The following TFAP2C variants were observed in gnomAD, a reference collection of about 807,000 sequenced individuals.
The protein encoded by TFAP2C is transcription factor AP-2 gamma.
Under a neutral mutation model 42.9 loss-of-function variants are expected in TFAP2C, and 9 were observed. The observed-to-expected ratio is 0.21, with a 90% CI of 0.13 to 0.37. The LOEUF is 0.37. Among genes scored for constraint, TFAP2C ranks in the 10% least tolerant of loss-of-function variants. TFAP2C has a pLI of 1.00. For synonymous variants in TFAP2C, 264 were observed against 256.0 expected, an observed-to-expected ratio of 1.03 and a Z score of -0.30; for missense variants, 462 against 591.7, an observed-to-expected ratio of 0.78 and a Z score of 2.27.
rs1168735506 is a variant in TFAP2C at position 56,631,753 on chromosome 20, C to G, written c.535-52C>G. 2 of 1,613,486 alleles carry G rather than the reference C, an allele frequency of 1.2e-6. No individual in the cohort carries two copies. Among genetic ancestry groups the G allele is most frequent in the Non-Finnish European group, 8.5e-7 (1 of 1,179,916 alleles). Reference sequence around the variant, plus strand: ...CCTACGGCCTTCTGCCCCCACCCCGCACTCCTCTAGGCTCCCCCGAACTTA... The same window carrying G: ...CCTACGGCCTTCTGCCCCCACCCCGGACTCCTCTAGGCTCCCCCGAACTTA... On this transcript the variant is annotated intron_variant, in intron 2 of 6. Transcript: ENST00000201031. The surrounding 1 kb of genome is among the most constrained non-coding windows in gnomAD (Gnocchi z 6.1).
rs1213737243 is a variant in TFAP2C at position 56,631,610 on chromosome 20, C to G, written c.454C>G (p.His152Asp). Reference sequence around the variant, plus strand: ...CCGCCGCTCCGACCTGCTGCTGCCCCACGCACACGCCCTGGATGCCGCGGG... The same window carrying G: ...CCGCCGCTCCGACCTGCTGCTGCCCGACGCACACGCCCTGGATGCCGCGGG... ...AYRRSDLLLP[H>D]AHALDAAGLA... The change falls in exon 2 of 7, where the codon CAC becomes GAC. Residue 152 changes from histidine (H) to aspartate (D), a missense_variant. His to Asp is a moderately conservative substitution (Grantham distance 81). Around this residue, in one of 5 missense-constraint regions of TFAP2C, gnomAD observed 271 missense variants for 269.7 expected, o/e 1.00. Transcript: ENST00000201031. This position sits in a 1 kb window ranked among gnomAD's most constrained non-coding sequence, Gnocchi z 6.1. 6.4e-7 allele frequency: 1 copy of G among 1,565,430 alleles called. No homozygotes were observed. The highest frequency in any genetic ancestry group is 1.4e-5 in the African/African-American group (1 of 73,558).
Position 56,631,467 on chromosome 20 carries a change from C to G in TFAP2C, c.311C>G (p.Pro104Arg), listed in dbSNP as rs1438786600. Residue 104 changes from proline (P) to arginine (R), a missense_variant, in exon 2 of 7, where the codon CCC (proline) becomes CGC (arginine). Physicochemically the swap from Pro to Arg is moderately radical, Grantham distance 103 (BLOSUM62 -2). Transcript: ENST00000201031. The surrounding 1 kb of genome is among the most constrained non-coding windows in gnomAD (Gnocchi z 6.1). ...ACAGGCAGCCAGCAGCAGGCCTGGC[C>G]CGGCCGCCAGAGCCAGGAGGGAGCG... is the stretch of plus-strand genomic sequence containing the variant. Reference protein sequence around the residue: ...APTGSQQQAWPGRQSQEGAGL... With the variant: ...APTGSQQQAWRGRQSQEGAGL... The G allele has an allele frequency of 1.3e-6, 2 of 1,543,276 alleles. No homozygotes were observed. The highest frequency in any genetic ancestry group is 8.7e-7 in the Non-Finnish European group (1 of 1,147,766).
Position 56,631,655 on chromosome 20 carries a change from C to T in TFAP2C, c.499C>T (p.Leu167Phe), listed in dbSNP as rs566491833. Reference protein sequence around the residue: ...DAAGLAENLGLHDMPHQMDEV... With the variant: ...DAAGLAENLGFHDMPHQMDEV... ...CGCGGGCCTGGCCGAGAACCTGGGG[C>T]TCCACGACATGCCTCACCAGATGGA... The change falls in exon 2 of 7, where the codon CTC becomes TTC. Residue 167 changes from leucine to phenylalanine, a missense_variant. Physicochemically the swap from Leu to Phe is conservative, Grantham distance 22. This residue lies in a region of TFAP2C where 271 missense variants were observed against 269.7 expected (regional missense o/e 1.00). Coordinates refer to ENST00000201031, the MANE Select transcript of TFAP2C (RefSeq NM_003222.4). The surrounding 1 kb of genome is among the most constrained non-coding windows in gnomAD (Gnocchi z 6.1). 3.7e-5 allele frequency: 58 copies of T among 1,584,794 alleles called. No homozygotes were observed. In the East Asian group the frequency reaches 1.3e-3, roughly 36 times the overall value.
At position 56,631,321 on chromosome 20, in the gene TFAP2C, G is replaced by A; in HGVS notation, c.165G>A (p.Gln55=). 6.2e-7 allele frequency: 1 copy of A among 1,609,722 alleles called. No homozygotes were observed. Among genetic ancestry groups the A allele is most frequent in the Non-Finnish European group, 8.5e-7 (1 of 1,178,536 alleles). The change falls in exon 2 of 7, where the codon CAG becomes CAA. Residue 55 remains glutamine (Q), a synonymous_variant. Transcript: ENST00000201031. This position sits in a 1 kb window ranked among gnomAD's most constrained non-coding sequence, Gnocchi z 6.1. ...PLSHTGVAEY[Q]PPPYFPPPYQ... is the part of the protein sequence containing the mutation. ...CCCACACTGGAGTCGCCGAATATCA[G>A]CCGCCACCCTACTTTCCCCCTCCCT...
chr20:56,633,248 G>A (rs1401821361), intron 3 of TFAP2C, 105 bp from the exon 4 acceptor site: 4 of 828,562 alleles, frequency 4.8e-6, no homozygotes, highest in Non-Finnish European at 5.9e-6. Context: ...GGTGTGCAAT[G>A]ATGCTTGTCT....
rs1555825805 is a variant in TFAP2C, at chr20:56,636,539, A to AAAG, written c.923-70_923-69insAGA. 383 of 1,486,086 alleles carry AAAG rather than the reference A, an allele frequency of 2.6e-4. 1 individual carries two copies. In the African/African-American group the frequency reaches 5.0e-3, roughly 19 times the overall value. 92.1% of individuals were successfully genotyped at this position (1,486,086 alleles called of 1,614,324 possible). A position where few individuals can be genotyped will look rare whatever the true frequency, so the allele number is the denominator to read the frequency against. ...AGACTCCGTGTCAAAAAAAAAAAAA[A>AAAG]AGAGAGAGGAAAAGGGCAGTTTGGC... On this transcript the variant is annotated intron_variant, in intron 5 of 6. Coordinates refer to ENST00000201031, the MANE Select transcript of TFAP2C (RefSeq NM_003222.4).
chr20:56,629,543 C>A lies in TFAP2C; in HGVS notation c.-2C>A. On this transcript the variant is annotated 5_prime_UTR_variant, in exon 1 of 7. Coordinates refer to ENST00000201031, the MANE Select transcript of TFAP2C (RefSeq NM_003222.4). The surrounding 1 kb of genome is among the most constrained non-coding windows in gnomAD (Gnocchi z 5.9). ...CGACTGTTTTGGGGGACGCCGGACG[C>A]CATGTTGTGGAAAATAACCGATAAT... 7.0e-7 allele frequency: 1 copy of A among 1,426,880 alleles called. No individual in the cohort carries two copies. The highest frequency in any genetic ancestry group is 1.7e-5 in the South Asian group (1 of 57,950). The allele number at this position is 1,426,880 out of a possible 1,614,324, so 88.4% of individuals were successfully genotyped here. A position where few individuals can be genotyped will look rare whatever the true frequency, so the allele number is the denominator to read the frequency against.
chr20:56,635,054 G>A (rs1274152631), intron 5 of TFAP2C, among the ~76,000 whole-genome samples: 1 of 152,210 alleles, frequency 6.6e-6, no homozygotes, highest in Non-Finnish European at 1.5e-5. Context: ...AAGGAGAAAC[G>A]GGCTCCCCGT....
chr20:56,631,109 C>T lies in TFAP2C; in HGVS notation c.49-96C>T. ...CCCCGCCGGGCGGGGTGCGGTTGGT[C>T]CCCCGGGGCCCTCTGCGTAGCCCGG... On this transcript the variant is annotated intron_variant, in intron 1 of 6. Transcript: ENST00000201031. This position sits in a 1 kb window ranked among gnomAD's most constrained non-coding sequence, Gnocchi z 6.1. 3 of 1,442,828 alleles carry T rather than the reference C, an allele frequency of 2.1e-6. No homozygotes were observed. Among genetic ancestry groups the T allele is most frequent in the African/African-American group, 1.5e-5 (1 of 67,766 alleles). The allele number at this position is 1,442,828 out of a possible 1,614,324, so 89.4% of individuals were successfully genotyped here.
In TFAP2C at chr20:56,630,986, C is replaced by T; in HGVS notation, c.49-219C>T. On this transcript the variant is annotated intron_variant, in intron 1 of 6. Coordinates refer to ENST00000201031, the MANE Select transcript of TFAP2C (RefSeq NM_003222.4). The surrounding 1 kb of genome is among the most constrained non-coding windows in gnomAD (Gnocchi z 5.1). Reference sequence around the variant, plus strand: ...GCCGGGCTTTGAGAACTCGTTCCCCCAGGTCTTTCACCAGACTCTCCTCCC... The same window carrying T: ...GCCGGGCTTTGAGAACTCGTTCCCCTAGGTCTTTCACCAGACTCTCCTCCC... The T allele has an allele frequency of 1.0e-6, 1 of 985,410 alleles. No individual in the cohort carries two copies. Among genetic ancestry groups the T allele is most frequent in the Non-Finnish European group, 1.2e-6 (1 of 829,914 alleles). 61.0% of individuals were successfully genotyped at this position (985,410 alleles called of 1,614,324 possible).
intron 4 of TFAP2C, among the ~76,000 whole-genome samples, 171 bp from the exon 5 acceptor site, chr20:56,633,979 A>T (rs1987541841): frequency 6.6e-6 from 1 of 152,230 alleles, no homozygotes; most frequent in East Asian, 1.9e-4. Context: ...ACGGGGACTA[A>T]TTGAAAGAGG....
intron 5 of TFAP2C, among the ~76,000 whole-genome samples, chr20:56,634,838 G>A (rs757923451): frequency 2.6e-5 from 4 of 152,242 alleles, no homozygotes; most frequent in Non-Finnish European, 4.4e-5. Context: ...TGCTAAGATA[G>A]TAGGACATAG....
chr20:56,631,682 G>A lies in TFAP2C; in HGVS notation c.526G>A (p.Glu176Lys), dbSNP rs200017220. The A allele has an allele frequency of 1.1e-5, 18 of 1,589,964 alleles. No individual in the cohort carries two copies. Among genetic ancestry groups the A allele is most frequent in the Admixed American group, 3.4e-5 (2 of 58,390 alleles). Residue 176 changes from glutamate (E) to lysine (K), a missense_variant, in exon 2 of 7, where the codon GAG becomes AAG. Glu to Lys is a moderately conservative substitution (Grantham distance 56). Coordinates refer to ENST00000201031, the MANE Select transcript of TFAP2C (RefSeq NM_003222.4). This position sits in a 1 kb window ranked among gnomAD's most constrained non-coding sequence, Gnocchi z 6.1. The part of the protein sequence containing the change: ...GLHDMPHQMD[E>K]VQNVDDQHLL... Reference sequence around the variant, plus strand: ...CCACGACATGCCTCACCAGATGGACGAGGTGCAGGTGAGCGGCGCTGCGGC... The same window carrying A: ...CCACGACATGCCTCACCAGATGGACAAGGTGCAGGTGAGCGGCGCTGCGGC...
Position 56,629,656 on chromosome 20 carries a change from T to C in TFAP2C, c.48+64T>C. Reference sequence around the variant, plus strand: ...GGACAGTCCGGGAGGCAGGGGCCACTGGACCGAGGTCGGGGACGAGGGCAT... The same window carrying C: ...GGACAGTCCGGGAGGCAGGGGCCACCGGACCGAGGTCGGGGACGAGGGCAT... On this transcript the variant is annotated intron_variant, in intron 1 of 6. Coordinates refer to ENST00000201031, the MANE Select transcript of TFAP2C (RefSeq NM_003222.4). This position sits in a 1 kb window ranked among gnomAD's most constrained non-coding sequence, Gnocchi z 5.9. The C allele has an allele frequency of 7.7e-7, 1 of 1,293,340 alleles. No individual in the cohort carries two copies. Among genetic ancestry groups the C allele is most frequent in the Admixed American group, 3.0e-5 (1 of 32,960 alleles). 80.1% of individuals were successfully genotyped at this position (1,293,340 alleles called of 1,614,324 possible). A position where few individuals can be genotyped will look rare whatever the true frequency, so the allele number is the denominator to read the frequency against.
intron 3 of TFAP2C, among the ~76,000 whole-genome samples, chr20:56,632,796 A>G (rs570773857): frequency 1.3e-5 from 2 of 152,024 alleles, no homozygotes; most frequent in East Asian, 1.9e-4. Flanking sequence ...TTCTAATTAA[A>G]TAGTTTTCAG....
rs1568750984 is a variant in TFAP2C at position 56,630,055 on chromosome 20, T to C, written c.48+463T>C. 6.6e-6 allele frequency among the ~76,000 whole-genome samples: 1 copy of C among 152,052 alleles called. No homozygotes were observed. Among genetic ancestry groups the C allele is most frequent in the East Asian group, 2.0e-4 (1 of 5,128 alleles). ...GGGGAAGCACGAAAACAACCGAAGTTTGGCTTTCAAAAGAAGTGGGGGCTG... is the reference window on the plus strand; with the variant it reads ...GGGGAAGCACGAAAACAACCGAAGTCTGGCTTTCAAAAGAAGTGGGGGCTG... On this transcript the variant is annotated intron_variant, in intron 1 of 6. Coordinates refer to ENST00000201031, the MANE Select transcript of TFAP2C (RefSeq NM_003222.4). This position sits in a 1 kb window ranked among gnomAD's most constrained non-coding sequence, Gnocchi z 5.1.
Position 56,631,569 on chromosome 20 carries a change from C to T in TFAP2C, c.413C>T (p.Ala138Val). The part of the protein sequence containing the change: ...LSGLEAGAVS[A>V]RRDAYRRSDL... ...GGGCTGGAGGCGGGCGCGGTGAGCG[C>T]CCGCAGGGATGCCTACCGCCGCTCC... Residue 138 changes from alanine (A) to valine (V), a missense_variant, in exon 2 of 7, where the codon GCC becomes GTC. This residue lies in a region of TFAP2C where 271 missense variants were observed against 269.7 expected (regional missense o/e 1.00). Transcript: ENST00000201031. This position sits in a 1 kb window ranked among gnomAD's most constrained non-coding sequence, Gnocchi z 6.1. 6.5e-7 allele frequency: 1 copy of T among 1,533,638 alleles called. No individual in the cohort carries two copies. Among genetic ancestry groups the T allele is most frequent in the Non-Finnish European group, 8.7e-7 (1 of 1,147,070 alleles).
intron 5 of TFAP2C, among the ~76,000 whole-genome samples, chr20:56,635,190 GGAGCT>G (rs1375478384): frequency 1.3e-5 from 2 of 152,222 alleles, no homozygotes; most frequent in African/African-American, 4.8e-5. Context: ...CAAGGAGAAA[GGAGCT>G]GCCTGTCTGA....
At chr20:56,635,693 G>A (rs1000783855) in intron 5 of TFAP2C, among the ~76,000 whole-genome samples, 1 of 152,058 alleles carries the variant, frequency 6.6e-6, no homozygotes, top group Non-Finnish European at 1.5e-5. Context: ...GAAAACATGG[G>A]TATGTTTGAT....
Sources: gnomAD v4.1 joint callset for allele counts (sites outside exome capture counted in the v4.1 genomes callset) on GRCh38, gnomAD v4.1.1 for gene constraint, gnomAD v4.1.1 regional missense constraint, Gnocchi (gnomAD v3.1) non-coding constraint, MANE v1.5 for transcripts, NCBI Gene and HGNC (gene_info 2026-07-23, HGNC 2026-07-21) for gene names.